The following DHX8 variants were observed in gnomAD, a reference collection of about 807,000 sequenced individuals.
DHX8 encodes DEAH-box helicase 8, also known as ATP-dependent RNA helicase DHX8.
DHX8 carries 67 observed loss-of-function variants against 140.7 expected under a neutral mutation model. The ratio of observed to expected loss-of-function variants is 0.48; its 90% CI spans 0.39 to 0.58. The LOEUF is 0.58. Ranked by LOEUF, DHX8 falls within the 20% of genes least tolerant of loss-of-function variation. DHX8 has a pLI of 0.00. For missense variants in DHX8, 887 were observed against 1,550.7 expected (o/e 0.57, Z 7.19); for synonymous variants, 533 against 553.2 (o/e 0.96, Z 0.51).
At chr17:43,517,357 G>A (rs764628132) in intron 18 of DHX8, 35 bp downstream of exon 18, 3 of 1,607,502 alleles carry the variant, frequency 1.9e-6, no homozygotes, top group Admixed American at 3.4e-5. Flanking sequence ...TGGGTTGGTG[G>A]AACAGTCCAA....
At chr17:43,490,300 AC>A in intron 2 of DHX8, 90 bp from the exon 3 acceptor site, 2 of 949,752 alleles carry the variant, frequency 2.1e-6, no homozygotes, top group Non-Finnish European at 3.3e-6. Context: ...GTGCGTAACC[AC>A]CCTTCCCTAC....
At chr17:43,489,956 A>G (rs1468524102) in intron 2 of DHX8, among the ~76,000 whole-genome samples, 2 of 152,212 alleles carry the variant, frequency 1.3e-5, no homozygotes, top group Non-Finnish European at 2.9e-5. Context: ...TTTTATACAT[A>G]TCAATTAAAT....
At chr17:43,492,436 C>T (rs537871486) in intron 5 of DHX8, 144 bp downstream of exon 5, 1 of 673,204 alleles carries the variant, frequency 1.5e-6, no homozygotes, top group Admixed American at 2.6e-5. Flanking sequence ...TCATTGCTTC[C>T]TGCTAAGTGT....
Position 43,494,028 on chromosome 17 carries a change from T to C in DHX8, c.1212+142T>C, listed in dbSNP as rs536826715. On this transcript the variant is annotated intron_variant, in intron 8 of 22. Transcript: ENST00000262415. The stretch of plus-strand genomic sequence containing the variant: ...TTCACACTCCTGATAAAGACGTACC[T>C]GAGACTGGGCAATTTACTAAAGAAA... 31 of 775,150 alleles carry C rather than the reference T, an allele frequency of 4.0e-5. No homozygotes were observed. The African/African-American group carries it at 4.9e-4, about 12-fold the overall frequency. The allele number at this position is 775,150 out of a possible 1,614,324, so 48.0% of individuals were successfully genotyped here.
intron 3 of DHX8, among the ~76,000 whole-genome samples, chr17:43,540,320 G>A (rs917658951): frequency 1.3e-5 from 2 of 152,186 alleles, no homozygotes; most frequent in African/African-American, 4.8e-5. Context: ...AGGCATGGTG[G>A]TTCTCGCCTG....
downstream of DHX8, chr17:43,528,648 A>G (rs367566497): frequency 1.2e-5 from 19 of 1,614,050 alleles, no homozygotes; most frequent in Admixed American, 5.0e-5. Flanking sequence ...GGTCAAACTC[A>G]GCCTTGAGAG....
chr17:43,521,319 A>T (rs1248230667), intron 20 of DHX8, 50 bp from the exon 21 acceptor site: 1 of 1,484,040 alleles, frequency 6.7e-7, no homozygotes, highest in Non-Finnish European at 9.2e-7. Context: ...CTCCATGTTC[A>T]GTTAGTAGCT....
At chr17:43,507,344 A>G (rs1056563318) in intron 13 of DHX8, 147 bp downstream of exon 13, 2 of 1,119,848 alleles carry the variant, frequency 1.8e-6, no homozygotes, top group Non-Finnish European at 1.3e-6. Context: ...CAGTCTGTTC[A>G]GAGTATAGTC....
intron 2 of DHX8, 120 bp downstream of exon 2, chr17:43,489,654 C>G: frequency 2.3e-5 from 14 of 607,552 alleles, no homozygotes; most frequent in Non-Finnish European, 3.1e-5. Flanking sequence ...GCAGTGGCGC[C>G]ACCTCAGCTC....
chr17:43,524,695 ATAC>A lies in DHX8; in HGVS notation c.*851_*853del. 1 of 985,456 alleles carries A rather than the reference ATAC, an allele frequency of 1.0e-6. No homozygotes were observed. Among genetic ancestry groups the A allele is most frequent in the African/African-American group, 1.7e-5 (1 of 57,368 alleles). The allele number at this position is 985,456 out of a possible 1,614,324, so 61.0% of individuals were successfully genotyped here. On this transcript the variant is annotated 3_prime_UTR_variant, in exon 23 of 23. Coordinates refer to ENST00000262415, the MANE Select transcript of DHX8 (RefSeq NM_004941.3). Reference sequence around the variant, plus strand: ...AGCATGTCCCATTTCCTTTTGAAACATACTAAGTAACAACACAGCTTTTATTTT... The same window carrying A: ...AGCATGTCCCATTTCCTTTTGAAACATAAGTAACAACACAGCTTTTATTTT...
chr17:43,533,042 TA>T (rs965224162), intron 2 of DHX8: 78 of 1,491,022 alleles, frequency 5.2e-5, no homozygotes, highest in Admixed American at 2.9e-4. Context: ...GAATGGGGGG[TA>T]GGGGGTTGGG....
rs2154587111 is a variant in DHX8, at chr17:43,533,236, A to G, written c.351-3176A>G. 3 of 1,613,946 alleles carry G rather than the reference A, an allele frequency of 1.9e-6. No individual in the cohort carries two copies. The East Asian group carries it at 6.7e-5, about 36-fold the overall frequency. The stretch of plus-strand genomic sequence containing the variant: ...CCAGGGTGGGGCTGGGAGGTGCCAG[A>G]GGATCTCAGGAAATTCCGTTGCTCT... On this transcript the variant is annotated intron_variant, in intron 2 of 3. Transcript: ENST00000589898.
At chr17:43,489,684 G>A (rs1230603421) in intron 2 of DHX8, 150 bp downstream of exon 2, 14 of 540,738 alleles carry the variant, frequency 2.6e-5, no homozygotes, top group African/African-American at 4.2e-5. Flanking sequence ...TCCGCCTCCC[G>A]GGTTCACGCC....
intron 1 of DHX8, 115 bp downstream of exon 1, chr17:43,484,300 C>T (rs979304802): frequency 2.3e-6 from 3 of 1,286,408 alleles, no homozygotes; most frequent in African/African-American, 1.5e-5. Context: ...GAATCTGTCT[C>T]TCTCTGTCGC....
At position 43,492,733 on chromosome 17, in the gene DHX8, C is replaced by T. The variant is rs751521418; in HGVS notation, c.556C>T (p.Arg186Ter). Residue 186 changes from arginine to a stop codon, truncating the protein, a stop_gained, in exon 6 of 23, where the codon CGA becomes TGA. Coordinates refer to ENST00000262415, the MANE Select transcript of DHX8 (RefSeq NM_004941.3). LOFTEE classifies it high-confidence loss of function. ...TCGAAGCCGAGATCGAAACCGAGAT[C>T]GAGACAGAGATAGGGAACGAAACCG... is the stretch of plus-strand genomic sequence containing the variant. ...RSRSRDRNRD[R>*]DRDRERNRDR... 2 of 1,612,820 alleles carry T rather than the reference C, an allele frequency of 1.2e-6. No homozygotes were observed. The highest frequency in any genetic ancestry group is 1.3e-5 in the African/African-American group (1 of 74,822).
At chr17:43,485,126 C>T (rs931346611) in intron 1 of DHX8, among the ~76,000 whole-genome samples, 1 of 152,196 alleles carries the variant, frequency 6.6e-6, no homozygotes, top group Non-Finnish European at 1.5e-5. Context: ...TTGGTACGTA[C>T]AGCAAGGCTT....
chr17:43,533,046 G>A (rs1394626920), intron 2 of DHX8: 1 of 1,495,688 alleles, frequency 6.7e-7, no homozygotes, highest in Non-Finnish European at 9.0e-7. Context: ...GGGGGGTAGG[G>A]GGTTGGGGTG....
chr17:43,498,873 G>T lies in DHX8; in HGVS notation c.1312G>T (p.Glu438Ter). 1 of 1,594,386 alleles carries T rather than the reference G, an allele frequency of 6.3e-7. No individual in the cohort carries two copies. Among genetic ancestry groups the T allele is most frequent in the South Asian group, 1.1e-5 (1 of 88,754 alleles). Residue 438 changes from glutamate (E) to a stop codon, truncating the protein, a stop_gained, in exon 10 of 23, where the codon GAG becomes TAG. Transcript: ENST00000262415. LOFTEE classifies it high-confidence loss of function. The stretch of plus-strand genomic sequence containing the variant: ...GGGGGGACTTTTAGATGAGGACCTT[G>T]AGATTGAATTGGTTGAGGAAGAGCC... Reference protein sequence around the residue: ...KVDDEEDEDLEIELVEEEPPF... With the variant: ...KVDDEEDEDL
downstream of DHX8, chr17:43,529,298 G>A (rs1970762297): frequency 7.2e-6 from 11 of 1,536,868 alleles, no homozygotes; most frequent in Non-Finnish European, 9.9e-6. Flanking sequence ...ATGGGGGTAA[G>A]GTCAGAAAGA....
Sources: gnomAD v4.1 joint callset for allele counts (sites outside exome capture counted in the v4.1 genomes callset) on GRCh38, gnomAD v4.1.1 for gene constraint, MANE v1.5 for transcripts, NCBI Gene and HGNC (gene_info 2026-07-23, HGNC 2026-07-21) for gene names.